Variants in PLPP4 observed in about 807,000 individuals in gnomAD.
PLPP4 encodes the protein phospholipid phosphatase 4.
In PLPP4, 20 loss-of-function variants were observed where a neutral mutation model predicts 32.2. The ratio of observed to expected loss-of-function variants is 0.62; its 90% confidence interval spans 0.44 to 0.90. The LOEUF is 0.90. Among genes scored for constraint, PLPP4 ranks in the 40% least tolerant of loss-of-function variants. The probability of loss-of-function intolerance (pLI) is 0.00; values close to 1 mark genes in which losing one functional copy is unlikely to be tolerated. For synonymous variants in PLPP4, 127 were observed against 133.0 expected, an observed-to-expected ratio of 0.95 and a Z score of 0.31; for missense variants, 257 against 353.1, an observed-to-expected ratio of 0.73 and a Z score of 2.18.
At chr10:120,478,443 C>A (rs777933286) in intron 1 of PLPP4, among the ~76,000 whole-genome samples, 13 of 152,268 alleles carry the variant, frequency 8.5e-5, no homozygotes, top group Middle Eastern at 6.8e-3. Context: ...GGAATTTTTT[C>A]TTTTTCTTTT....
chr10:120,473,770 A>C (rs1315034974), intron 1 of PLPP4, among the ~76,000 whole-genome samples: 1 of 147,116 alleles, frequency 6.8e-6, no homozygotes, highest in African/African-American at 2.5e-5. Flanking sequence ...TTCCCCCTTC[A>C]CTCTCTCTCT....
At position 120,503,501 on chromosome 10, in the gene PLPP4, C is replaced by T. The variant is rs1845360379; in HGVS notation, c.57-317C>T. 3 of 1,561,146 alleles carry T rather than the reference C, an allele frequency of 1.9e-6. No individual in the cohort carries two copies. The South Asian group carries it at 3.5e-5, about 18-fold the overall frequency. On this transcript the variant is annotated intron_variant, in intron 1 of 6. Transcript: ENST00000398250. ...GACCATGCTGCTGCCCTGGCCTTGC[C>T]CTATTCTGACTTCAGTTTCCAGTTT...
At chr10:120,589,133 T>G (rs543208750) in intron 6 of PLPP4, among the ~76,000 whole-genome samples, 170 bp from the exon 7 acceptor site, 1 of 152,350 alleles carries the variant, frequency 6.6e-6, no homozygotes, top group African/African-American at 2.4e-5. Context: ...CCAGAAATGC[T>G]GGCAGTTTGC....
intron 5 of PLPP4, among the ~76,000 whole-genome samples, chr10:120,544,307 A>G (rs1847507205): frequency 6.6e-6 from 1 of 152,130 alleles, no homozygotes; most frequent in Admixed American, 6.5e-5. Flanking sequence ...ACTCCCTGAG[A>G]TTTTGACAGA....
intron 5 of PLPP4, among the ~76,000 whole-genome samples, chr10:120,556,445 G>A (rs1848169545): frequency 6.6e-6 from 1 of 152,224 alleles, no homozygotes; most frequent in East Asian, 1.9e-4. Flanking sequence ...GTTTGTGAAT[G>A]CAGGGAGTGT....
At chr10:120,487,590 C>T (rs1023314960) in intron 1 of PLPP4, among the ~76,000 whole-genome samples, 4 of 152,092 alleles carry the variant, frequency 2.6e-5, no homozygotes, top group Non-Finnish European at 4.4e-5. Flanking sequence ...TTTTAATAGA[C>T]AAGATAACCT....
intron 1 of PLPP4, among the ~76,000 whole-genome samples, chr10:120,460,715 C>T (rs1189972755): frequency 1.3e-5 from 2 of 152,202 alleles, no homozygotes; most frequent in Non-Finnish European, 2.9e-5. Flanking sequence ...GACTCTCAAT[C>T]ACTTTGCTTC....
intron 2 of PLPP4, among the ~76,000 whole-genome samples, chr10:120,512,198 A>G (rs982317728): frequency 1.1e-4 from 17 of 152,218 alleles, no homozygotes; most frequent in African/African-American, 3.6e-4. Context: ...GAGCTGCCCA[A>G]TAATTTATGG....
At chr10:120,583,322 GT>G (rs1319701987) in intron 6 of PLPP4, among the ~76,000 whole-genome samples, 1 of 151,960 alleles carries the variant, frequency 6.6e-6, no homozygotes, top group Non-Finnish European at 1.5e-5. Flanking sequence ...AGAGGGCAGG[GT>G]TTTGCCAATG....
At chr10:120,464,216 T>C (rs1848210304) in intron 1 of PLPP4, among the ~76,000 whole-genome samples, 1 of 152,216 alleles carries the variant, frequency 6.6e-6, no homozygotes, top group Non-Finnish European at 1.5e-5. Context: ...TATTCATGAA[T>C]GTAAGAATAT....
chr10:120,537,992 TTCTCTCTCTCTCTCTC>T (rs1158226991), intron 5 of PLPP4, among the ~76,000 whole-genome samples: 448 of 19,022 alleles, frequency 0.024, 45 homozygotes, highest in Admixed American at 0.058. Context: ...ACCAGGCCCT[TTCTCTCTCTCTCTCTC>T]TCTCTCTCTC....
chr10:120,460,233 T>A (rs1389043315), intron 1 of PLPP4, among the ~76,000 whole-genome samples: 2 of 152,202 alleles, frequency 1.3e-5, no homozygotes, highest in Non-Finnish European at 2.9e-5. Flanking sequence ...CCATGAAGTG[T>A]GTAGGCCTTG....
chr10:120,468,898 A>T (rs140124265), intron 1 of PLPP4, among the ~76,000 whole-genome samples: 941 of 65,270 alleles, frequency 0.014, 425 homozygotes, highest in Non-Finnish European at 0.034. Context: ...ATTGCAGTAC[A>T]TAAACAGCCA....
chr10:120,577,274 G>A (rs922275963), intron 6 of PLPP4, among the ~76,000 whole-genome samples: 3 of 152,154 alleles, frequency 2.0e-5, no homozygotes, highest in Middle Eastern at 6.3e-3. Flanking sequence ...ATGATTGGGG[G>A]TTTCAGAATT....
chr10:120,543,328 C>G (rs1847445226), intron 5 of PLPP4, among the ~76,000 whole-genome samples: 1 of 152,176 alleles, frequency 6.6e-6, no homozygotes, highest in Non-Finnish European at 1.5e-5. Flanking sequence ...AGCCCAGGCA[C>G]CTTGCAGCTG....
chr10:120,527,557 C>G (rs1846460851), intron 5 of PLPP4, among the ~76,000 whole-genome samples: 2 of 152,190 alleles, frequency 1.3e-5, no homozygotes, highest in African/African-American at 2.4e-5. Flanking sequence ...AACTGGCCAC[C>G]ATAGTCTAGC....
At chr10:120,549,938 A>C (rs367979327) in intron 5 of PLPP4, among the ~76,000 whole-genome samples, 5 of 151,962 alleles carry the variant, frequency 3.3e-5, no homozygotes, top group African/African-American at 9.7e-5. Flanking sequence ...TCATAAAGAG[A>C]TGTCTATTTC....
In PLPP4 at chr10:120,584,351, C is replaced by T. The variant is rs140973566; in HGVS notation, c.617-4952C>T. Among the ~76,000 whole-genome samples the T allele has an allele frequency of 3.1e-3, 479 of 152,280 alleles. 1 individual carries two copies. The highest frequency in any genetic ancestry group is 0.011 in the African/African-American group (460 of 41,564). ...TTACCATAGCTGCAAATTGCTGATACGGCTGTCATTGTTTAGTGTCTGTCT... is the reference window on the plus strand; with the variant it reads ...TTACCATAGCTGCAAATTGCTGATATGGCTGTCATTGTTTAGTGTCTGTCT... On this transcript the variant is annotated intron_variant, in intron 6 of 6. Transcript: ENST00000398250.
intron 5 of PLPP4, among the ~76,000 whole-genome samples, chr10:120,553,256 C>G (rs1459399730): frequency 6.6e-6 from 1 of 152,076 alleles, no homozygotes; most frequent in Non-Finnish European, 1.5e-5. Context: ...AAAGTAATCA[C>G]CAATGTCATG....
Sources: gnomAD v4.1 joint callset for allele counts (sites outside exome capture counted in the v4.1 genomes callset) on GRCh38, gnomAD v4.1.1 for gene constraint, MANE v1.5 for transcripts, NCBI Gene and HGNC (gene_info 2026-07-23, HGNC 2026-07-21) for gene names.